GTF2F2: variants seen among roughly 807,000 people sequenced by gnomAD.
GTF2F2 encodes general transcription factor IIF subunit 2.
A neutral mutation model predicts 42.2 loss-of-function variants in GTF2F2; 23 were observed. That is an observed-to-expected ratio of 0.55 (90% CI 0.39 to 0.77). GTF2F2 has a LOEUF of 0.77. Among genes scored for constraint, GTF2F2 ranks in the 30% least tolerant of loss-of-function variants. GTF2F2 has a pLI of 0.00. For missense variants in GTF2F2, 261 were observed against 287.2 expected, an observed-to-expected ratio of 0.91 and a Z score of 0.66; for synonymous variants, 105 against 100.8, an observed-to-expected ratio of 1.04 and a Z score of -0.25.
At chr13:45,172,671 C>G (rs539037651) in intron 4 of GTF2F2, among the ~76,000 whole-genome samples, 1 of 152,278 alleles carries the variant, frequency 6.6e-6, no homozygotes, top group East Asian at 1.9e-4. Context: ...TTCCATGCAG[C>G]TATCCAGTTT....
chr13:45,151,609 T>C, intron 3 of GTF2F2, 78 bp from the exon 4 acceptor site: 1 of 884,166 alleles, frequency 1.1e-6, no homozygotes, highest in South Asian at 1.8e-5. Flanking sequence ...AAAAACAATT[T>C]GATTTATAAC....
chr13:45,231,151 A>C (rs1432518852), intron 5 of GTF2F2, among the ~76,000 whole-genome samples: 1 of 152,092 alleles, frequency 6.6e-6, no homozygotes, highest in Non-Finnish European at 1.5e-5. Flanking sequence ...TCTGTCACCC[A>C]GGCTGGAGTG....
intron 2 of GTF2F2, among the ~76,000 whole-genome samples, chr13:45,141,544 G>A (rs1869927023): frequency 2.0e-5 from 3 of 152,148 alleles, no homozygotes; most frequent in South Asian, 4.1e-4. Flanking sequence ...TGTGTGTGTA[G>A]GGGTAGGGGT....
At chr13:45,244,693 CAG>C (rs1291098645) in intron 5 of GTF2F2, among the ~76,000 whole-genome samples, 1 of 152,086 alleles carries the variant, frequency 6.6e-6, no homozygotes, top group Non-Finnish European at 1.5e-5. Context: ...TTTTTTGAGA[CAG>C]AGTCTCACTC....
At chr13:45,184,650 A>T (rs980104886) in intron 4 of GTF2F2, among the ~76,000 whole-genome samples, 1 of 152,156 alleles carries the variant, frequency 6.6e-6, no homozygotes, top group Admixed American at 6.5e-5. Flanking sequence ...TTAAAAAGAT[A>T]AAGTGAATTA....
chr13:45,259,910 G>GAAT (rs1474494799), intron 6 of GTF2F2, among the ~76,000 whole-genome samples: 1 of 151,848 alleles, frequency 6.6e-6, no homozygotes, highest in East Asian at 1.9e-4. Context: ...CTTTTAAAAA[G>GAAT]AATTAATATT....
chr13:45,175,702 A>C (rs1871844409), intron 4 of GTF2F2, among the ~76,000 whole-genome samples: 1 of 152,082 alleles, frequency 6.6e-6, no homozygotes, highest in African/African-American at 2.4e-5. Flanking sequence ...GGCTCACTGC[A>C]ACCTCTGCCT....
chr13:45,125,071 G>A lies in GTF2F2; in HGVS notation c.66+4350G>A, dbSNP rs146766549. ...AGGGAGAGATGAAACTGGAATGGGT[G>A]ATACCCTAAAGCCTTGCAGATAGTA... On this transcript the variant is annotated intron_variant, in intron 1 of 7. Coordinates refer to ENST00000340473, the MANE Select transcript of GTF2F2 (RefSeq NM_004128.3). 3.5e-3 allele frequency among the ~76,000 whole-genome samples: 532 copies of A among 152,326 alleles called. 3 individuals are homozygous for A. The highest frequency in any genetic ancestry group is 0.012 in the African/African-American group (498 of 41,582).
At chr13:45,168,411 A>C (rs958563845) in intron 4 of GTF2F2, among the ~76,000 whole-genome samples, 1 of 152,212 alleles carries the variant, frequency 6.6e-6, no homozygotes, top group Non-Finnish European at 1.5e-5. Context: ...CGTTCAGCCA[A>C]TATCTGCCAG....
intron 5 of GTF2F2, among the ~76,000 whole-genome samples, chr13:45,217,098 A>C (rs1873923206): frequency 6.6e-6 from 1 of 151,868 alleles, no homozygotes; most frequent in Admixed American, 6.6e-5. Context: ...CAGGAGTTCA[A>C]GACCAGCCTG....
intron 4 of GTF2F2, among the ~76,000 whole-genome samples, chr13:45,191,220 AAAAAATATATATATAT>A (rs1566129211): frequency 4.0e-5 from 3 of 75,218 alleles, no homozygotes; most frequent in East Asian, 6.4e-4. Flanking sequence ...AAATACAAAA[AAAAAATATATATATAT>A]ATATATATAT....
At position 45,136,297 on chromosome 13, in the gene GTF2F2, CTCT is replaced by C. The variant is rs1869616502; in HGVS notation, c.67-430_67-428del. Among the ~76,000 whole-genome samples, 5 of 152,324 alleles carry C rather than the reference CTCT, an allele frequency of 3.3e-5. No homozygotes were observed. The South Asian group carries it at 6.2e-4, about 19-fold the overall frequency. On this transcript the variant is annotated intron_variant, in intron 1 of 7. Coordinates refer to ENST00000340473, the MANE Select transcript of GTF2F2 (RefSeq NM_004128.3). The stretch of plus-strand genomic sequence containing the variant: ...TTAATAATCCTTTTATATTAGCAGC[CTCT>C]TCTTCACAGTAGTCAAAGTTACAAT...
intron 5 of GTF2F2, among the ~76,000 whole-genome samples, chr13:45,228,204 C>T (rs573675153): frequency 1.3e-5 from 2 of 150,506 alleles, no homozygotes; most frequent in Admixed American, 1.3e-4. Flanking sequence ...AGCTTCTCCT[C>T]ATCCCTTGGG....
rs1165963910 is a variant in GTF2F2, at chr13:45,191,224, AATATATATATAT to A, written c.305-16180_305-16169del. 2.1e-4 allele frequency among the ~76,000 whole-genome samples: 16 copies of A among 75,314 alleles called. 1 individual carries two copies. The highest frequency in any genetic ancestry group is 1.8e-3 in the East Asian group (6 of 3,314). 49.4% of individuals were successfully genotyped at this position (75,314 alleles called of 152,430 possible). A position where few individuals can be genotyped will look rare whatever the true frequency, so the allele number is the denominator to read the frequency against. On this transcript the variant is annotated intron_variant, in intron 4 of 7. Coordinates refer to ENST00000340473, the MANE Select transcript of GTF2F2 (RefSeq NM_004128.3). The stretch of plus-strand genomic sequence containing the variant: ...GTCTCTACTAAAAATACAAAAAAAA[AATATATATATAT>A]ATATATATATATATATATAGCCATA...
chr13:45,168,414 T>C (rs1212989667), intron 4 of GTF2F2, among the ~76,000 whole-genome samples: 1 of 152,200 alleles, frequency 6.6e-6, no homozygotes, highest in Admixed American at 6.5e-5. Context: ...TCAGCCAATA[T>C]CTGCCAGGAG....
Position 45,124,227 on chromosome 13 carries a change from T to G in GTF2F2, c.66+3506T>G, listed in dbSNP as rs888365156. Reference sequence around the variant, plus strand: ...CCTCCCGAGTAGCTGGGACTATAGGTGCCTGCTACCACGCCCGGCTAATTT... The same window carrying G: ...CCTCCCGAGTAGCTGGGACTATAGGGGCCTGCTACCACGCCCGGCTAATTT... On this transcript the variant is annotated intron_variant, in intron 1 of 7. Coordinates refer to ENST00000340473, the MANE Select transcript of GTF2F2 (RefSeq NM_004128.3). 1.2e-5 allele frequency: 4 copies of G among 325,084 alleles called. No individual in the cohort carries two copies. The East Asian group carries it at 2.0e-4, about 16-fold the overall frequency. The allele number at this position is 325,084 out of a possible 1,614,324, so 20.1% of individuals were successfully genotyped here.
At chr13:45,170,887 T>C (rs1449703087) in intron 4 of GTF2F2, among the ~76,000 whole-genome samples, 4 of 152,152 alleles carry the variant, frequency 2.6e-5, no homozygotes, top group African/African-American at 9.6e-5. Context: ...AGCAGTGTGA[T>C]CTGTCATACT....
At chr13:45,143,445 TGAG>T (rs748518385) in intron 2 of GTF2F2, among the ~76,000 whole-genome samples, 21 of 152,214 alleles carry the variant, frequency 1.4e-4, no homozygotes, top group Non-Finnish European at 1.5e-4. Context: ...TTTCCTCATC[TGAG>T]GAGATGATAT....
At chr13:45,165,438 T>C (rs1272872992) in intron 4 of GTF2F2, among the ~76,000 whole-genome samples, 2 of 151,398 alleles carry the variant, frequency 1.3e-5, no homozygotes, top group Admixed American at 6.6e-5. Context: ...AAGATTCATA[T>C]ACAGTAAAGA....
Sources: gnomAD v4.1 joint callset for allele counts (sites outside exome capture counted in the v4.1 genomes callset) on GRCh38, gnomAD v4.1.1 for gene constraint, MANE v1.5 for transcripts, NCBI Gene and HGNC (gene_info 2026-07-23, HGNC 2026-07-21) for gene names.